SLC1A2: variants seen among roughly 807,000 people sequenced by gnomAD.
The protein encoded by SLC1A2 is solute carrier family 1 member 2.
A neutral mutation model predicts 48.8 loss-of-function variants in SLC1A2; 15 were observed. That is an observed-to-expected ratio of 0.31 (90% CI 0.21 to 0.47). SLC1A2 has a LOEUF of 0.47. Ranked by LOEUF, SLC1A2 falls within the 20% of genes least tolerant of loss-of-function variation. The pLI is 0.99. For synonymous variants in SLC1A2, 279 were observed against 272.6 expected (o/e 1.02, Z -0.23); for missense variants, 502 against 730.5 (o/e 0.69, Z 3.61).
chr11:35,313,311 C>T (rs1851765254), intron 3 of SLC1A2, among the ~76,000 whole-genome samples: 1 of 152,196 alleles, frequency 6.6e-6, no homozygotes, highest in African/African-American at 2.4e-5. Context: ...TGAGGTGAAG[C>T]ATGAAGATCC....
chr11:35,339,208 C>T (rs1421330108), intron 1 of SLC1A2, among the ~76,000 whole-genome samples: 1 of 152,184 alleles, frequency 6.6e-6, no homozygotes, highest in Non-Finnish European at 1.5e-5. Flanking sequence ...AACTTGACCT[C>T]CCTCTGTTGG....
At position 35,251,940 on chromosome 11, in the gene SLC1A2, G is replaced by A. The variant is rs1950244828; in HGVS notation, c.*8954C>T. On this transcript the variant is annotated 3_prime_UTR_variant, in exon 11 of 11. Transcript: ENST00000278379. ...TTATACAGAATGTGTGTTTTAGGAG[G>A]CAACTGTAAACTTGCATTAGTTAAT... is the stretch of plus-strand genomic sequence containing the variant. The A allele has an allele frequency of 6.6e-6, 1 of 152,536 alleles. No homozygotes were observed. Among genetic ancestry groups the A allele is most frequent in the Non-Finnish European group, 1.5e-5 (1 of 68,024 alleles). 9.4% of individuals were successfully genotyped at this position (152,536 alleles called of 1,614,324 possible).
At chr11:35,349,716 A>T (rs1325214959) in intron 1 of SLC1A2, among the ~76,000 whole-genome samples, 1 of 152,194 alleles carries the variant, frequency 6.6e-6, no homozygotes, top group African/African-American at 2.4e-5. Flanking sequence ...TTTCAAAGGA[A>T]TCCTAACCCA....
chr11:35,314,382 C>T (rs1851800128), intron 3 of SLC1A2, among the ~76,000 whole-genome samples: 1 of 152,036 alleles, frequency 6.6e-6, no homozygotes. Context: ...TTATCAGTAT[C>T]TGAACAAAAT....
chr11:35,333,891 C>T (rs1852522462), intron 1 of SLC1A2, among the ~76,000 whole-genome samples: 2 of 146,848 alleles, frequency 1.4e-5, no homozygotes, highest in Admixed American at 1.4e-4. Context: ...GTTGGCCAGG[C>T]TGATCTTGAA....
intron 1 of SLC1A2, among the ~76,000 whole-genome samples, chr11:35,375,525 G>A (rs1854196263): frequency 6.6e-6 from 1 of 152,242 alleles, no homozygotes; most frequent in African/African-American, 2.4e-5. Context: ...TGGCTGGTGA[G>A]CTGAGCACAG....
intron 1 of SLC1A2, among the ~76,000 whole-genome samples, chr11:35,333,827 A>ATTTTTTTTTTTTTTT (rs373988431): frequency 7.9e-6 from 1 of 126,174 alleles, no homozygotes; most frequent in Non-Finnish European, 1.6e-5. Flanking sequence ...ATGCCAGCTA[A>ATTTTTTTTTTTTTTT]TTTTTTTTTT....
At chr11:35,286,708 A>G in intron 8 of SLC1A2, 49 bp downstream of exon 8, 4 of 1,398,708 alleles carry the variant, frequency 2.9e-6, no homozygotes, top group Non-Finnish European at 3.9e-6. Flanking sequence ...GTTAGTGTGG[A>G]GGGGAAACAG....
At chr11:35,322,497 G>A (rs1852106045) in intron 1 of SLC1A2, 1 of 971,408 alleles carries the variant, frequency 1.0e-6, no homozygotes, top group Non-Finnish European at 1.6e-6. Context: ...ACTCCCCAGG[G>A]AGCCTAAAAG....
chr11:35,252,222 C>T lies in SLC1A2; in HGVS notation c.*8672G>A, dbSNP rs1223590808. On this transcript the variant is annotated 3_prime_UTR_variant, in exon 11 of 11. Coordinates refer to ENST00000278379, the MANE Select transcript of SLC1A2 (RefSeq NM_004171.4). ...TAGTCAGCAATGTTTTTTCCTGTACCCTGACTCAAAAATCCAAGGGAGACA... is the reference window on the plus strand; with the variant it reads ...TAGTCAGCAATGTTTTTTCCTGTACTCTGACTCAAAAATCCAAGGGAGACA... The T allele has an allele frequency of 6.6e-6, 1 of 152,478 alleles. No homozygotes were observed. The highest frequency in any genetic ancestry group is 1.5e-5 in the Non-Finnish European group (1 of 68,016). 9.4% of individuals were successfully genotyped at this position (152,478 alleles called of 1,614,324 possible).
chr11:35,391,103 C>T (rs1381686979), intron 1 of SLC1A2: 2 of 152,200 alleles, frequency 1.3e-5, no homozygotes, highest in African/African-American at 4.8e-5. Context: ...GGTCAGTCAA[C>T]CATGGTCCAC....
At chr11:35,420,218 A>G (rs1282158690), upstream of SLC1A2, among the ~76,000 whole-genome samples, 6 of 137,248 alleles carry the variant, frequency 4.4e-5, no homozygotes, top group Non-Finnish European at 9.2e-5. Context: ...CCGAGGGGTG[A>G]GTGGCGGGGG....
At chr11:35,416,852 G>A (rs192667131) in intron 1 of SLC1A2, among the ~76,000 whole-genome samples, 2 of 152,300 alleles carry the variant, frequency 1.3e-5, no homozygotes, top group East Asian at 3.9e-4. Context: ...ATGAGTCCAC[G>A]TGAACAATTT....
chr11:35,410,105 G>C lies in SLC1A2; in HGVS notation c.17+8845C>G, dbSNP rs1294190445. 2.6e-5 allele frequency among the ~76,000 whole-genome samples: 4 copies of C among 151,038 alleles called. No homozygotes were observed. In the East Asian group the frequency reaches 7.8e-4, roughly 29 times the overall value. On this transcript the variant is annotated intron_variant, in intron 1 of 10. Coordinates refer to ENST00000278379, the MANE Select transcript of SLC1A2 (RefSeq NM_004171.4). ...CTGTATGCCATTTTGTAATATTTGA[G>C]GTTTTTATTTTTTAAGATAGAGCTT... is the stretch of plus-strand genomic sequence containing the variant.
At chr11:35,327,783 C>T (rs901410078) in intron 1 of SLC1A2, among the ~76,000 whole-genome samples, 1 of 152,220 alleles carries the variant, frequency 6.6e-6, no homozygotes, top group Non-Finnish European at 1.5e-5. Flanking sequence ...AAGACAGAAG[C>T]TCCAGAAGAT....
Position 35,280,758 on chromosome 11 carries a change from G to A in SLC1A2, c.1421+109C>T, listed in dbSNP as rs1850601883. On this transcript the variant is annotated intron_variant, in intron 9 of 10. Transcript: ENST00000278379. Reference sequence around the variant, plus strand: ...AGCGGGAAGGAGGAAGGAAGAGTGAGGGAGTTGCCATGGGGATTAGCTAAG... The same window carrying A: ...AGCGGGAAGGAGGAAGGAAGAGTGAAGGAGTTGCCATGGGGATTAGCTAAG... 11 of 645,734 alleles carry A rather than the reference G, an allele frequency of 1.7e-5. No individual in the cohort carries two copies. The South Asian group carries it at 2.6e-4, about 15-fold the overall frequency. The allele number at this position is 645,734 out of a possible 1,614,324, so 40.0% of individuals were successfully genotyped here.
At chr11:35,310,986 G>C (rs539554985) in intron 4 of SLC1A2, among the ~76,000 whole-genome samples, 15 of 152,064 alleles carry the variant, frequency 9.9e-5, no homozygotes, top group Admixed American at 7.9e-4. Flanking sequence ...TCCTGACAAG[G>C]ACATTTTTAC....
chr11:35,258,845 CA>C lies in SLC1A2; in HGVS notation c.*2048del, dbSNP rs1436351421. ...GTCCCAGCTACTCGGGAGGCTGAGA[CA>C]GGAGAATCGCTTGAACTAGAGAGGT... On this transcript the variant is annotated 3_prime_UTR_variant, in exon 11 of 11. Transcript: ENST00000278379. 3.3e-5 allele frequency: 5 copies of C among 149,996 alleles called. No individual in the cohort carries two copies. Among genetic ancestry groups the C allele is most frequent in the African/African-American group, 1.2e-4 (5 of 40,536 alleles). The allele number at this position is 149,996 out of a possible 1,614,324, so 9.3% of individuals were successfully genotyped here.
At chr11:35,389,452 CCTTCTT>C (rs1555020634) in intron 1 of SLC1A2, among the ~76,000 whole-genome samples, 10 of 150,430 alleles carry the variant, frequency 6.6e-5, no homozygotes, top group African/African-American at 2.0e-4. Flanking sequence ...TTCTCCTTCT[CCTTCTT>C]CTTCTTCTTA....
Sources: gnomAD v4.1 joint callset for allele counts (sites outside exome capture counted in the v4.1 genomes callset) on GRCh38, gnomAD v4.1.1 for gene constraint, MANE v1.5 for transcripts, NCBI Gene and HGNC (gene_info 2026-07-23, HGNC 2026-07-21) for gene names.